CYP19A1: variants seen among roughly 807,000 people sequenced by gnomAD.
CYP19A1 encodes aromatase.
Under a neutral mutation model 44.4 loss-of-function variants are expected in CYP19A1, and 32 were observed. The observed-to-expected ratio is 0.72, with a 90% CI of 0.54 to 0.97. The LOEUF is 0.97. Among genes scored for constraint, CYP19A1 ranks in the 50% least tolerant of loss-of-function variants. The pLI, the probability that CYP19A1 is intolerant of heterozygous loss-of-function variation, is 0.00. For missense variants in CYP19A1, 598 were observed against 637.8 expected (o/e 0.94, Z 0.67); for synonymous variants, 212 against 215.6 (o/e 0.98, Z 0.14).
At chr15:51,309,147 T>A (rs1249285636) in intron 1 of CYP19A1, among the ~76,000 whole-genome samples, 2 of 152,070 alleles carry the variant, frequency 1.3e-5, no homozygotes, top group African/African-American at 4.8e-5. Flanking sequence ...GGTGATTAGG[T>A]CATGAGGGTG....
intron 1 of CYP19A1, among the ~76,000 whole-genome samples, chr15:51,337,553 T>C (rs762933709): frequency 5.3e-5 from 8 of 152,204 alleles, no homozygotes; most frequent in Non-Finnish European, 7.3e-5. Flanking sequence ...CCCAGGTGCA[T>C]AACCACAGAG....
At chr15:51,234,180 G>T (rs1318750422) in intron 3 of CYP19A1, among the ~76,000 whole-genome samples, 3 of 152,348 alleles carry the variant, frequency 2.0e-5, no homozygotes, top group East Asian at 3.9e-4. Context: ...GGGACTTGAA[G>T]AGCAGGCAAG....
chr15:51,253,396 T>C (rs2034399768), intron 1 of CYP19A1, among the ~76,000 whole-genome samples: 1 of 152,210 alleles, frequency 6.6e-6, no homozygotes, highest in East Asian at 1.9e-4. Flanking sequence ...AAAAGGTTAC[T>C]ATATCTGTCT....
At chr15:51,317,722 C>A (rs2036453849) in intron 1 of CYP19A1, among the ~76,000 whole-genome samples, 1 of 152,138 alleles carries the variant, frequency 6.6e-6, no homozygotes, top group South Asian at 2.1e-4. Flanking sequence ...TTCTTGAATG[C>A]CAGGCTAATG....
intron 1 of CYP19A1, among the ~76,000 whole-genome samples, chr15:51,259,280 A>G (rs946137148): frequency 6.6e-6 from 1 of 152,214 alleles, no homozygotes; most frequent in Admixed American, 6.5e-5. Flanking sequence ...TATCCGTTAC[A>G]CACAGTGATC....
intron 1 of CYP19A1, among the ~76,000 whole-genome samples, chr15:51,314,809 T>G (rs958624315): frequency 3.3e-5 from 5 of 152,232 alleles, no homozygotes; most frequent in Non-Finnish European, 1.5e-5. Context: ...GGCTATTGCT[T>G]TTGTTTGTCA....
At position 51,209,629 on chromosome 15, in the gene CYP19A1, C is replaced by A. The variant is rs1434862515; in HGVS notation, c.*1179G>T. The A allele has an allele frequency of 6.6e-6, 1 of 152,578 alleles. No homozygotes were observed. Among genetic ancestry groups the A allele is most frequent in the Non-Finnish European group, 1.5e-5 (1 of 68,030 alleles). 9.5% of individuals were successfully genotyped at this position (152,578 alleles called of 1,614,324 possible). ...GCGAATTCCAAGGTGTGCAATTTAT[C>A]CATGACCACATACAATGATTCAATG... On this transcript the variant is annotated 3_prime_UTR_variant, in exon 10 of 10. Transcript: ENST00000396402.
At chr15:51,273,978 G>A (rs2035215162) in intron 1 of CYP19A1, among the ~76,000 whole-genome samples, 1 of 150,192 alleles carries the variant, frequency 6.7e-6, no homozygotes, top group Non-Finnish European at 1.5e-5. Flanking sequence ...TTGCACTCCA[G>A]CCTGGGCCAC....
intron 1 of CYP19A1, among the ~76,000 whole-genome samples, chr15:51,332,470 G>A (rs28757076): frequency 0.01 from 1,537 of 152,224 alleles, 26 homozygotes; most frequent in African/African-American, 0.035. Flanking sequence ...TCTATTTTCA[G>A]CAATTATATT....
chr15:51,291,929 C>G (rs1308325290), intron 1 of CYP19A1, among the ~76,000 whole-genome samples: 1 of 152,190 alleles, frequency 6.6e-6, no homozygotes, highest in Non-Finnish European at 1.5e-5. Context: ...AAGCCATCAG[C>G]TTAGAACACT....
intron 1 of CYP19A1, among the ~76,000 whole-genome samples, chr15:51,265,778 G>C (rs2034894514): frequency 6.6e-6 from 1 of 152,186 alleles, no homozygotes; most frequent in African/African-American, 2.4e-5. Flanking sequence ...CCCCAAGCAA[G>C]GACTGCCCTC....
chr15:51,272,998 G>T (rs569415059), intron 1 of CYP19A1, among the ~76,000 whole-genome samples: 1 of 151,444 alleles, frequency 6.6e-6, no homozygotes, highest in East Asian at 1.9e-4. Context: ...TCACTCTTTC[G>T]CCCAGGCTAG....
At chr15:51,220,842 T>C (rs2032007318) in intron 5 of CYP19A1, among the ~76,000 whole-genome samples, 1 of 152,168 alleles carries the variant, frequency 6.6e-6, no homozygotes, top group South Asian at 2.1e-4. Flanking sequence ...TCTATCTGCC[T>C]GTATTTTTGT....
chr15:51,238,978 A>G (rs1406556877), intron 2 of CYP19A1, among the ~76,000 whole-genome samples: 2 of 152,220 alleles, frequency 1.3e-5, no homozygotes, highest in Non-Finnish European at 2.9e-5. Flanking sequence ...AAATAAAAGA[A>G]TGTTAACACA....
chr15:51,232,498 T>A (rs780547226), intron 3 of CYP19A1, among the ~76,000 whole-genome samples: 2 of 152,162 alleles, frequency 1.3e-5, no homozygotes, highest in Non-Finnish European at 2.9e-5. Flanking sequence ...TACTCAATCA[T>A]CCCACTCAGA....
intron 4 of CYP19A1, among the ~76,000 whole-genome samples, chr15:51,226,402 T>A (rs2032582099): frequency 6.6e-6 from 1 of 152,180 alleles, no homozygotes; most frequent in Non-Finnish European, 1.5e-5. Context: ...GTGAGATAAA[T>A]GTGTTCTTTT....
intron 1 of CYP19A1, among the ~76,000 whole-genome samples, chr15:51,265,790 T>C (rs1253216336): frequency 1.3e-5 from 2 of 152,174 alleles, no homozygotes; most frequent in African/African-American, 4.8e-5. Context: ...ACTGCCCTCT[T>C]TCCACAGGGC....
intron 1 of CYP19A1, among the ~76,000 whole-genome samples, chr15:51,282,581 G>A (rs1379965807): frequency 2.0e-5 from 3 of 152,300 alleles, no homozygotes; most frequent in South Asian, 2.1e-4. Context: ...CCATACTTGC[G>A]TTGGCCACCT....
intron 1 of CYP19A1, among the ~76,000 whole-genome samples, chr15:51,248,691 C>T (rs1163887853): frequency 6.6e-6 from 1 of 152,170 alleles, no homozygotes; most frequent in African/African-American, 2.4e-5. Context: ...GCTTCTAGAA[C>T]AGTGTCCAGG....
Sources: gnomAD v4.1 joint callset for allele counts (sites outside exome capture counted in the v4.1 genomes callset) on GRCh38, gnomAD v4.1.1 for gene constraint, MANE v1.5 for transcripts, NCBI Gene and HGNC (gene_info 2026-07-23, HGNC 2026-07-21) for gene names.